Variants in ATP1A2 observed in about 807,000 individuals in gnomAD.
ATP1A2 encodes ATPase Na+/K+ transporting subunit alpha 2.
In ATP1A2, 56 loss-of-function variants were observed where a neutral mutation model predicts 113.1. The ratio of observed to expected loss-of-function variants is 0.49; its 90% CI spans 0.40 to 0.62. The LOEUF is 0.62. ATP1A2 is among the 20% of genes least tolerant of loss of function. The pLI is 0.00. For missense variants in ATP1A2, 712 were observed against 1,357.8 expected, an observed-to-expected ratio of 0.52 and a Z score of 7.47; for synonymous variants, 490 against 526.8, an observed-to-expected ratio of 0.93 and a Z score of 0.96.
intron 7 of ATP1A2, among the ~76,000 whole-genome samples, chr1:160,126,964 A>G (rs1651607183): frequency 6.6e-6 from 1 of 152,094 alleles, no homozygotes; most frequent in Admixed American, 6.5e-5. Context: ...TTAAAGCACA[A>G]TCTCATCTAA....
Position 160,124,000 on chromosome 1 carries a change from T to C in ATP1A2, c.439T>C (p.Tyr147His). 1 of 1,614,204 alleles carries C rather than the reference T, an allele frequency of 6.2e-7. No homozygotes were observed. The highest frequency in any genetic ancestry group is 8.5e-7 in the Non-Finnish European group (1 of 1,180,018). ...CATTGTCACTGGCTGCTTCTCCTACTACCAGGAGGCCAAGAGCTCCAAGAT... is the reference window on the plus strand; with the variant it reads ...CATTGTCACTGGCTGCTTCTCCTACCACCAGGAGGCCAAGAGCTCCAAGAT... The part of the protein sequence containing the change: ...VVIVTGCFSY[Y>H]QEAKSSKIMD... The change falls in exon 5 of 23, where the codon TAC (tyrosine) becomes CAC (histidine). Residue 147 changes from tyrosine to histidine, a missense_variant. Physicochemically the swap from Tyr to His is moderately conservative, Grantham distance 83. Transcript: ENST00000361216.
intron 3 of ATP1A2, among the ~76,000 whole-genome samples, chr1:160,122,232 C>T (rs1651423681): frequency 1.3e-5 from 2 of 152,170 alleles, no homozygotes; most frequent in South Asian, 2.1e-4. Flanking sequence ...TATTCCTTTA[C>T]CTTACTTTAT....
chr1:160,135,734 A>G lies in ATP1A2; in HGVS notation c.2285-105A>G, dbSNP rs1305181113. ...CCCAGCCCACTTTAGCTTCCCTTGA[A>G]CACAAAATCTTCCTCTCTTGGGAAG... On this transcript the variant is annotated intron_variant, in intron 16 of 22. Transcript: ENST00000361216. The surrounding 1 kb of genome is among the most constrained non-coding windows in gnomAD (Gnocchi z 6.3). The G allele has an allele frequency of 2.5e-6, 4 of 1,610,476 alleles. No homozygotes were observed. Among genetic ancestry groups the G allele is most frequent in the Non-Finnish European group, 8.5e-7 (1 of 1,177,494 alleles).
intron 8 of ATP1A2, 104 bp downstream of exon 8, chr1:160,127,924 T>C: frequency 6.9e-7 from 1 of 1,449,960 alleles, no homozygotes; most frequent in South Asian, 1.4e-5. Context: ...TTTTTCCCCC[T>C]AGAGTCACTT....
In ATP1A2 at chr1:160,136,284, G is replaced by A; in HGVS notation, c.2477G>A (p.Ser826Asn). 1 of 1,614,228 alleles carries A rather than the reference G, an allele frequency of 6.2e-7. No individual in the cohort carries two copies. The highest frequency in any genetic ancestry group is 8.5e-7 in the Non-Finnish European group (1 of 1,180,034). The change falls in exon 18 of 23, where the codon AGT (serine) becomes AAT (asparagine). Residue 826 changes from serine (S) to asparagine (N), a missense_variant. Physicochemically the swap from Ser to Asn is conservative, Grantham distance 46 (BLOSUM62 1). Around this residue, in one of 6 missense-constraint regions of ATP1A2, gnomAD observed 188 missense variants for 438.9 expected, o/e 0.43. Coordinates refer to ENST00000361216, the MANE Select transcript of ATP1A2 (RefSeq NM_000702.4). ...TCCTTGGCCTATGAGGCAGCTGAGA[G>A]TGATATCATGAAGCGGCAGCCACGA... ...AISLAYEAAE[S>N]DIMKRQPRNS...
Position 160,139,670 on chromosome 1 carries a change from G to A in ATP1A2, c.2871G>A (p.Glu957=), listed in dbSNP as rs1652070043. ...KNKILIFGLL[E]ETALAAFLSY... The stretch of plus-strand genomic sequence containing the variant: ...AGATCCTGATTTTTGGGCTCCTGGA[G>A]GAGACGGCGTTGGCTGCCTTTCTCT... The change falls in exon 21 of 23, where the codon GAG becomes GAA. Residue 957 remains glutamate (E), a synonymous_variant. Transcript: ENST00000361216. 6.2e-7 allele frequency: 1 copy of A among 1,614,074 alleles called. No individual in the cohort carries two copies. The highest frequency in any genetic ancestry group is 1.3e-5 in the African/African-American group (1 of 74,932).
chr1:160,137,782 C>A (rs567645378), intron 20 of ATP1A2, among the ~76,000 whole-genome samples: 1 of 143,960 alleles, frequency 6.9e-6, no homozygotes, highest in African/African-American at 2.5e-5. Context: ...ACAATGGCCA[C>A]AATTCCTCAC....
chr1:160,130,747 C>A, intron 13 of ATP1A2, 150 bp downstream of exon 13: 1 of 1,141,910 alleles, frequency 8.8e-7, no homozygotes, highest in Non-Finnish European at 1.2e-6. Flanking sequence ...AAGGAAAGGC[C>A]CACCCCTGCC....
At chr1:160,141,248 C>T (rs1389649442) in intron 22 of ATP1A2, 46 bp from the exon 23 acceptor site, 2 of 1,612,816 alleles carry the variant, frequency 1.2e-6, no homozygotes, top group Middle Eastern at 1.6e-4. Flanking sequence ...TCTCTTGCCT[C>T]CTTTTAAGCT....
At position 160,125,218 on chromosome 1, in the gene ATP1A2, G is replaced by A. The variant is rs768136835; in HGVS notation, c.713G>A (p.Arg238His). The change falls in exon 7 of 23, where the codon CGC (arginine) becomes CAC (histidine). Residue 238 changes from arginine to histidine, a missense_variant. Coordinates refer to ENST00000361216, the MANE Select transcript of ATP1A2 (RefSeq NM_000702.4). ...EFTHENPLETRNICFFSTNCV... is the reference protein window; with the variant it reads ...EFTHENPLETHNICFFSTNCV... ...ACCCATGAGAACCCCCTGGAGACCC[G>A]CAATATCTGTTTCTTCTCCACCAAC... The A allele has an allele frequency of 6.2e-7, 1 of 1,614,086 alleles. No individual in the cohort carries two copies. Among genetic ancestry groups the A allele is most frequent in the Non-Finnish European group, 8.5e-7 (1 of 1,180,004 alleles).
intron 1 of ATP1A2, 65 bp downstream of exon 1, chr1:160,115,938 A>T: frequency 6.3e-7 from 1 of 1,575,516 alleles, no homozygotes; most frequent in Non-Finnish European, 8.6e-7. Flanking sequence ...AGGAAGGATG[A>T]AGTGGGAATG....
chr1:160,134,995 A>G, intron 14 of ATP1A2, 150 bp from the exon 15 acceptor site: 1 of 978,082 alleles, frequency 1.0e-6, no homozygotes, highest in Non-Finnish European at 1.6e-6. Flanking sequence ...AAATGGGGGA[A>G]GTGAGTACTG....
In ATP1A2 at chr1:160,128,869, G is replaced by T. The variant is rs749208117; in HGVS notation, c.1216+19G>T. 6.2e-7 allele frequency: 1 copy of T among 1,614,044 alleles called. No homozygotes were observed. The highest frequency in any genetic ancestry group is 1.1e-5 in the South Asian group (1 of 91,064). On this transcript the variant is annotated intron_variant, in intron 9 of 22. Coordinates refer to ENST00000361216, the MANE Select transcript of ATP1A2 (RefSeq NM_000702.4). ...CAGTCTGGTGATTGGGTGCTCCAGAGGGGGTGGATAGGATTAGAGGAGGCT... is the reference window on the plus strand; with the variant it reads ...CAGTCTGGTGATTGGGTGCTCCAGATGGGGTGGATAGGATTAGAGGAGGCT...
At chr1:160,137,275 CT>C (rs1421408244) in intron 20 of ATP1A2, 5 of 579,606 alleles carry the variant, frequency 8.6e-6, no homozygotes, top group African/African-American at 5.6e-5. Flanking sequence ...TCCCTCCCTT[CT>C]TTCCCCCATC....
chr1:160,133,471 C>T (rs145737275), intron 13 of ATP1A2, among the ~76,000 whole-genome samples: 2 of 152,210 alleles, frequency 1.3e-5, no homozygotes, highest in African/African-American at 4.8e-5. Flanking sequence ...CCTCTTAGCC[C>T]ATCAGATGCC....
chr1:160,130,118 G>T lies in ATP1A2; in HGVS notation c.1478G>T (p.Arg493Leu). The part of the protein sequence containing the change: ...TNKYQLSIHE[R>L]EDSPQSHVLV... ...TCTCTCCAGCTGTCTATCCACGAGCGAGAAGACAGCCCCCAGAGCCACGTG... is the reference window on the plus strand; with the variant it reads ...TCTCTCCAGCTGTCTATCCACGAGCTAGAAGACAGCCCCCAGAGCCACGTG... Residue 493 changes from arginine to leucine, a missense_variant, in exon 12 of 23, where the codon CGA becomes CTA. Physicochemically the swap from Arg to Leu is moderately radical, Grantham distance 102. Around this residue, in one of 6 missense-constraint regions of ATP1A2, gnomAD observed 263 missense variants for 380.6 expected, o/e 0.69. Coordinates refer to ENST00000361216, the MANE Select transcript of ATP1A2 (RefSeq NM_000702.4). The T allele has an allele frequency of 4.3e-6, 7 of 1,614,204 alleles. No individual in the cohort carries two copies. Among genetic ancestry groups the T allele is most frequent in the Non-Finnish European group, 5.9e-6 (7 of 1,180,046 alleles).
At chr1:160,123,571 A>T (rs1414524085) in intron 4 of ATP1A2, among the ~76,000 whole-genome samples, 155 bp downstream of exon 4, 2 of 152,006 alleles carry the variant, frequency 1.3e-5, no homozygotes, top group Non-Finnish European at 2.9e-5. Flanking sequence ...GCTTCTATAT[A>T]TATCTGTAAA....
chr1:160,128,997 C>A lies in ATP1A2; in HGVS notation c.1234C>A (p.Arg412=), dbSNP rs760155608. The A allele has an allele frequency of 3.1e-6, 5 of 1,606,128 alleles. 1 individual carries two copies. Among genetic ancestry groups the A allele is most frequent in the Admixed American group, 3.4e-5 (2 of 58,950 alleles). ...CCTCCCAGGGGCCACTTTTGACAAACGATCCCCTACGTGGACGGCCCTGTC... is the reference window on the plus strand; with the variant it reads ...CCTCCCAGGGGCCACTTTTGACAAAAGATCCCCTACGTGGACGGCCCTGTC... ...EDQSGATFDK[R]SPTWTALSRI... is the part of the protein sequence containing the mutation. Residue 412 remains arginine (R), a synonymous_variant, in exon 10 of 23, where the codon CGA becomes AGA. Coordinates refer to ENST00000361216, the MANE Select transcript of ATP1A2 (RefSeq NM_000702.4).
rs200630442 is a variant in ATP1A2 at position 160,136,233 on chromosome 1, C to T, written c.2440-14C>T. The T allele has an allele frequency of 2.4e-5, 39 of 1,614,142 alleles. No homozygotes were observed. In the African/African-American group the frequency reaches 2.9e-4, roughly 12 times the overall value. On this transcript the variant is annotated splice_polypyrimidine_tract_variant and intron_variant, in intron 17 of 22. Coordinates refer to ENST00000361216, the MANE Select transcript of ATP1A2 (RefSeq NM_000702.4). ...TTCAAATGCCCTCCCTGCCCCATTTCCTACCCCACACAGGTCCCTGCCATC... is the reference window on the plus strand; with the variant it reads ...TTCAAATGCCCTCCCTGCCCCATTTTCTACCCCACACAGGTCCCTGCCATC...
Sources: gnomAD v4.1 joint callset for allele counts (sites outside exome capture counted in the v4.1 genomes callset) on GRCh38, gnomAD v4.1.1 for gene constraint, gnomAD v4.1.1 regional missense constraint, Gnocchi (gnomAD v3.1) non-coding constraint, MANE v1.5 for transcripts, NCBI Gene and HGNC (gene_info 2026-07-23, HGNC 2026-07-21) for gene names.